AGMO: variants seen among roughly 807,000 people sequenced by gnomAD.
AGMO encodes the protein alkylglycerol monooxygenase, also known as glyceryl-ether monooxygenase.
Under a neutral mutation model 60.2 loss-of-function variants are expected in AGMO, and 75 were observed. The observed-to-expected ratio is 1.25, with a 90% confidence interval of 1.03 to 1.51. The LOEUF is 1.51. Ranked by LOEUF, AGMO falls within the 40% of genes most tolerant of loss-of-function variation. AGMO has a pLI of 0.00. For synonymous variants in AGMO, 261 were observed against 177.1 expected, an observed-to-expected ratio of 1.47 and a Z score of -3.76; for missense variants, 763 against 525.5, an observed-to-expected ratio of 1.45 and a Z score of -4.42.
intron 10 of AGMO, among the ~76,000 whole-genome samples, chr7:15,372,717 G>C (rs941963261): frequency 1.3e-5 from 2 of 151,994 alleles, no homozygotes; most frequent in African/African-American, 4.8e-5. Flanking sequence ...ATCACACGTA[G>C]CTTATTAGTT....
intron 12 of AGMO, among the ~76,000 whole-genome samples, chr7:15,213,544 A>G (rs73679446): frequency 7.8e-4 from 119 of 152,074 alleles, no homozygotes; most frequent in African/African-American, 2.8e-3. Flanking sequence ...TTTTTGCACA[A>G]TAATGTAATT....
intron 12 of AGMO, among the ~76,000 whole-genome samples, chr7:15,358,643 C>G (rs370642113): frequency 1.3e-5 from 2 of 152,200 alleles, no homozygotes; most frequent in South Asian, 4.1e-4. Flanking sequence ...GACTTCTGAA[C>G]CATTGAGAAG....
In AGMO at chr7:15,205,101, CA is replaced by C. The variant is rs1781407216; in HGVS notation, c.1264-3743del. Among the ~76,000 whole-genome samples, 5 of 152,288 alleles carry C rather than the reference CA, an allele frequency of 3.3e-5. No individual in the cohort carries two copies. The South Asian group carries it at 1.0e-3, about 32-fold the overall frequency. ...GTGCTTGTTGCATGCTCTCAAATTG[CA>C]AACCCTCAAATTACAAAGAAATGTG... On this transcript the variant is annotated intron_variant, in intron 12 of 12. Coordinates refer to ENST00000342526, the MANE Select transcript of AGMO (RefSeq NM_001004320.2).
intron 12 of AGMO, among the ~76,000 whole-genome samples, chr7:15,350,123 T>C (rs1306354330): frequency 6.6e-6 from 1 of 152,170 alleles, no homozygotes; most frequent in Non-Finnish European, 1.5e-5. Flanking sequence ...ATAACTGTGT[T>C]TCTGGAACCT....
At chr7:15,509,184 GA>G (rs1420168884) in intron 3 of AGMO, among the ~76,000 whole-genome samples, 2 of 152,018 alleles carry the variant, frequency 1.3e-5, no homozygotes, top group Non-Finnish European at 2.9e-5. Flanking sequence ...ACTACATTGA[GA>G]AAAGGAAATG....
At chr7:15,272,617 T>C (rs1182593082) in intron 12 of AGMO, among the ~76,000 whole-genome samples, 1 of 152,126 alleles carries the variant, frequency 6.6e-6, no homozygotes, top group Non-Finnish European at 1.5e-5. Flanking sequence ...TACAGCAGCA[T>C]GGTTTATAAT....
At chr7:15,380,697 A>G (rs1340392506) in intron 10 of AGMO, among the ~76,000 whole-genome samples, 2 of 152,190 alleles carry the variant, frequency 1.3e-5, no homozygotes, top group Non-Finnish European at 2.9e-5. Flanking sequence ...ATGCACATGG[A>G]ACCAATAAAA....
intron 12 of AGMO, among the ~76,000 whole-genome samples, chr7:15,224,758 C>G (rs914534348): frequency 6.6e-6 from 1 of 151,810 alleles, no homozygotes; most frequent in East Asian, 1.9e-4. Flanking sequence ...AGAGCTGTCC[C>G]AAGGAAATAT....
At chr7:15,412,798 C>T (rs994687508) in intron 5 of AGMO, among the ~76,000 whole-genome samples, 6 of 150,200 alleles carry the variant, frequency 4.0e-5, no homozygotes, top group African/African-American at 1.5e-4. Context: ...CATATCCTAA[C>T]AATGTATAAG....
intron 10 of AGMO, among the ~76,000 whole-genome samples, chr7:15,366,531 G>A (rs1288239811): frequency 6.6e-6 from 1 of 151,946 alleles, no homozygotes; most frequent in Non-Finnish European, 1.5e-5. Flanking sequence ...CCCCACATAT[G>A]GATAAATTAC....
intron 12 of AGMO, among the ~76,000 whole-genome samples, chr7:15,279,244 G>A (rs1196278971): frequency 6.6e-6 from 1 of 152,100 alleles, no homozygotes; most frequent in African/African-American, 2.4e-5. Flanking sequence ...CCTGCATTAG[G>A]GGTCCTCTCT....
At chr7:15,233,369 T>A (rs113905313) in intron 12 of AGMO, among the ~76,000 whole-genome samples, 1,565 of 152,156 alleles carry the variant, frequency 0.01, 38 homozygotes, top group African/African-American at 0.035. Context: ...CAGGAAGTGA[T>A]TCCTTGAACA....
intron 5 of AGMO, chr7:15,396,127 T>C (rs934266544): frequency 2.0e-5 from 3 of 152,212 alleles, no homozygotes; most frequent in African/African-American, 7.2e-5. Flanking sequence ...ACAGAAATAT[T>C]TGCATGCAAA....
At chr7:15,472,592 G>A (rs942219124) in intron 3 of AGMO, among the ~76,000 whole-genome samples, 1 of 151,842 alleles carries the variant, frequency 6.6e-6, no homozygotes, top group Non-Finnish European at 1.5e-5. Context: ...CAGACGTGCT[G>A]TAAAATCACA....
intron 2 of AGMO, among the ~76,000 whole-genome samples, chr7:15,549,734 C>T (rs1257132519): frequency 6.6e-6 from 1 of 151,392 alleles, no homozygotes; most frequent in African/African-American, 2.4e-5. Flanking sequence ...TTTAACACCT[C>T]ACTGTCAACA....
chr7:15,440,960 A>C (rs1319860711), intron 3 of AGMO, among the ~76,000 whole-genome samples: 2 of 152,204 alleles, frequency 1.3e-5, no homozygotes, highest in Non-Finnish European at 2.9e-5. Flanking sequence ...GCCAAGACCC[A>C]ACAATTACCT....
At chr7:15,283,864 G>A (rs908059321) in intron 12 of AGMO, among the ~76,000 whole-genome samples, 5 of 151,790 alleles carry the variant, frequency 3.3e-5, no homozygotes, top group Admixed American at 6.6e-5. Context: ...AAAAAAAAAT[G>A]AAATCATATC....
chr7:15,535,572 T>C (rs966366133), intron 3 of AGMO, among the ~76,000 whole-genome samples: 2 of 151,966 alleles, frequency 1.3e-5, no homozygotes, highest in Non-Finnish European at 2.9e-5. Context: ...GCATATTACA[T>C]AGGATACATT....
intron 5 of AGMO, among the ~76,000 whole-genome samples, chr7:15,394,827 C>G (rs970527482): frequency 1.8e-4 from 27 of 152,168 alleles, no homozygotes; most frequent in African/African-American, 6.3e-4. Context: ...CCTTTAGAGG[C>G]ATGGTCTACC....
Sources: allele counts gnomAD v4.1 joint callset (sites outside exome capture counted in the v4.1 genomes callset), GRCh38; gene constraint gnomAD v4.1.1; transcripts MANE v1.5; gene names NCBI Gene and HGNC (gene_info 2026-07-23, HGNC 2026-07-21).